The following NALF1 variants were observed in gnomAD, a reference collection of about 807,000 sequenced individuals.
The protein encoded by NALF1 is family with sequence similarity 155 member A.
In NALF1, 3 loss-of-function variants were observed where a neutral mutation model predicts 48.4. The ratio of observed to expected loss-of-function variants is 0.06; its 90% CI spans 0.03 to 0.16. The LOEUF is 0.16. Among genes scored for constraint, NALF1 ranks in the 10% least tolerant of loss-of-function variants. The pLI is 1.00. For missense variants in NALF1, 526 were observed against 571.5 expected, an observed-to-expected ratio of 0.92 and a Z score of 0.81; for synonymous variants, 262 against 245.7, an observed-to-expected ratio of 1.07 and a Z score of -0.62.
intron 1 of NALF1, among the ~76,000 whole-genome samples, chr13:107,533,758 T>C (rs889401109): frequency 1.3e-5 from 2 of 152,134 alleles, no homozygotes; most frequent in Non-Finnish European, 2.9e-5. Flanking sequence ...ATCTGTCTTT[T>C]GTTGAGGGTC....
At chr13:107,254,414 G>A (rs1392001775) in intron 1 of NALF1, among the ~76,000 whole-genome samples, 1 of 152,182 alleles carries the variant, frequency 6.6e-6, no homozygotes, top group Non-Finnish European at 1.5e-5. Flanking sequence ...GATCTGCAGG[G>A]CTGGAGGAAC....
chr13:107,638,463 A>G (rs1289939465), intron 1 of NALF1, among the ~76,000 whole-genome samples: 1 of 151,962 alleles, frequency 6.6e-6, no homozygotes, highest in Non-Finnish European at 1.5e-5. Context: ...ACACCACTCA[A>G]GGTGCTGGAG....
chr13:107,453,896 C>T (rs1421084790), intron 1 of NALF1, among the ~76,000 whole-genome samples: 1 of 152,090 alleles, frequency 6.6e-6, no homozygotes, highest in East Asian at 1.9e-4. Flanking sequence ...CACAAGATAC[C>T]CTAAATCATC....
chr13:107,640,801 A>T (rs72654962), intron 1 of NALF1, among the ~76,000 whole-genome samples: 20 of 152,336 alleles, frequency 1.3e-4, no homozygotes, highest in Admixed American at 5.2e-4. Flanking sequence ...CCCCAAAGAG[A>T]GAAGATAGCA....
chr13:107,541,673 C>T (rs966660998), intron 1 of NALF1, among the ~76,000 whole-genome samples: 4 of 151,962 alleles, frequency 2.6e-5, no homozygotes, highest in Non-Finnish European at 5.9e-5. Flanking sequence ...TCTGCATGTG[C>T]CTTTACTGAT....
chr13:107,609,382 A>T (rs1265467524), intron 1 of NALF1, among the ~76,000 whole-genome samples: 1 of 152,166 alleles, frequency 6.6e-6, no homozygotes, highest in East Asian at 1.9e-4. Context: ...CCCGGGTGAG[A>T]TCTCAAATGC....
chr13:107,389,852 C>T (rs1324770620), intron 1 of NALF1, among the ~76,000 whole-genome samples: 2 of 152,036 alleles, frequency 1.3e-5, no homozygotes, highest in African/African-American at 2.4e-5. Context: ...ATAATATATA[C>T]GTAATTTGAT....
chr13:107,252,123 G>A (rs955270012), intron 1 of NALF1, among the ~76,000 whole-genome samples: 2 of 152,200 alleles, frequency 1.3e-5, no homozygotes, highest in South Asian at 2.1e-4. Context: ...GAGGCCTGGC[G>A]AGGTAGTGGG....
At chr13:107,571,030 A>G (rs2138401741) in intron 1 of NALF1, among the ~76,000 whole-genome samples, 1 of 152,314 alleles carries the variant, frequency 6.6e-6, no homozygotes, top group African/African-American at 2.4e-5. Flanking sequence ...AGATGGGAAA[A>G]CATTATTTGA....
chr13:107,422,587 T>C (rs1197451783), intron 1 of NALF1, among the ~76,000 whole-genome samples: 1 of 152,074 alleles, frequency 6.6e-6, no homozygotes, highest in Non-Finnish European at 1.5e-5. Flanking sequence ...TACTGCATAA[T>C]GATGGCAAAT....
At chr13:107,598,796 A>AC (rs1416468042) in intron 1 of NALF1, among the ~76,000 whole-genome samples, 1 of 152,100 alleles carries the variant, frequency 6.6e-6, no homozygotes, top group Non-Finnish European at 1.5e-5. Flanking sequence ...AGGCCACCTT[A>AC]CCTGAGGCAG....
intron 1 of NALF1, among the ~76,000 whole-genome samples, chr13:107,442,879 G>A (rs1207001999): frequency 6.6e-6 from 1 of 152,132 alleles, no homozygotes; most frequent in Non-Finnish European, 1.5e-5. Context: ...TAAAAACCAA[G>A]TGAAGAATGC....
intron 1 of NALF1, among the ~76,000 whole-genome samples, chr13:107,440,433 T>G (rs1884537961): frequency 6.6e-6 from 1 of 152,322 alleles, no homozygotes; most frequent in South Asian, 2.1e-4. Context: ...CCACATTCCT[T>G]CATTTATTCA....
chr13:107,572,755 A>C (rs1451322934), intron 1 of NALF1, among the ~76,000 whole-genome samples: 4 of 152,208 alleles, frequency 2.6e-5, no homozygotes, highest in Non-Finnish European at 4.4e-5. Context: ...GCTAATTTAT[A>C]AAATGGCATA....
chr13:107,709,209 T>C (rs1037129884), intron 1 of NALF1, among the ~76,000 whole-genome samples: 1 of 152,218 alleles, frequency 6.6e-6, no homozygotes, highest in African/African-American at 2.4e-5. Context: ...CAGTGTCACT[T>C]AGATCTAGAT....
intron 1 of NALF1, among the ~76,000 whole-genome samples, chr13:107,724,381 A>T (rs184958174): frequency 3.7e-4 from 57 of 152,324 alleles, no homozygotes; most frequent in South Asian, 1.7e-3. Context: ...AAAATACATA[A>T]TCCTGATTTT....
chr13:107,602,379 A>T (rs373092558), intron 1 of NALF1, among the ~76,000 whole-genome samples: 1 of 151,886 alleles, frequency 6.6e-6, no homozygotes, highest in Admixed American at 6.6e-5. Context: ...CTAAAATAAC[A>T]TCTGAGATCT....
intron 1 of NALF1, among the ~76,000 whole-genome samples, chr13:107,358,474 G>A (rs1883002818): frequency 6.6e-6 from 1 of 152,102 alleles, no homozygotes; most frequent in Non-Finnish European, 1.5e-5. Context: ...CTCATTTATT[G>A]GCTATGTAGT....
intron 1 of NALF1, among the ~76,000 whole-genome samples, chr13:107,643,084 C>T (rs1157153655): frequency 2.6e-5 from 4 of 152,014 alleles, no homozygotes; most frequent in Non-Finnish European, 5.9e-5. Context: ...GTTCATTCTC[C>T]GTTAGGGGCA....
Sources: gnomAD v4.1 joint callset for allele counts (sites outside exome capture counted in the v4.1 genomes callset) on GRCh38, gnomAD v4.1.1 for gene constraint, MANE v1.5 for transcripts, NCBI Gene and HGNC (gene_info 2026-07-23, HGNC 2026-07-21) for gene names.